Variants in ZBTB17 observed in about 807,000 individuals in gnomAD.
The protein encoded by ZBTB17 is zinc finger and BTB domain containing 17.
A neutral mutation model predicts 85.1 loss-of-function variants in ZBTB17; 24 were observed. The observed-to-expected ratio is 0.28, with a 90% CI of 0.20 to 0.40. The LOEUF (loss-of-function observed/expected upper bound fraction) is 0.40. Among genes scored for constraint, ZBTB17 ranks in the 10% least tolerant of loss-of-function variants. The pLI is 1.00. For missense variants in ZBTB17, 743 were observed against 1,105.1 expected (o/e 0.67, Z 4.65); for synonymous variants, 464 against 460.2 (o/e 1.01, Z -0.11).
At chr1:15,969,787 G>A in intron 2 of ZBTB17, 1 of 523,628 alleles carries the variant, frequency 1.9e-6, no homozygotes, top group Non-Finnish European at 3.7e-6. Flanking sequence ...TGGACGAGAG[G>A]GGATGTGCAT....
Position 15,944,444 on chromosome 1 carries a change from C to T in ZBTB17, c.1227G>A (p.Gln409=), listed in dbSNP as rs1176415777. ...FTTSGNLKRH[Q]LVHSGEKPYQ... ...AGGGCTTCTCGCCGCTGTGCACCAG[C>T]TGGTGGCGCTTGAGGTTGCCCGAGG... The change falls in exon 9 of 16, where the codon CAG becomes CAA. Residue 409 remains glutamine (Q), a synonymous_variant. Transcript: ENST00000375743. The T allele has an allele frequency of 6.3e-7, 1 of 1,575,070 alleles. No individual in the cohort carries two copies. Among genetic ancestry groups the T allele is most frequent in the Non-Finnish European group, 8.6e-7 (1 of 1,161,074 alleles).
In ZBTB17 at chr1:15,942,545, G is replaced by C. The variant is rs201524531; in HGVS notation, c.2022C>G (p.Ala674=). ...TLATEALAAT[A]VTQLTVVPVG... is the part of the protein sequence containing the mutation. ...AGCCCGCACCTGTGAGCTGAGTGAC[G>C]GCTGTCGCTGCCAGTGCCTCGGTAG... Residue 674 remains alanine, a synonymous_variant, in exon 14 of 16, where the codon GCC becomes GCG. Coordinates refer to ENST00000375743, the MANE Select transcript of ZBTB17 (RefSeq NM_003443.3). 247 of 1,611,088 alleles carry C rather than the reference G, an allele frequency of 1.5e-4. No homozygotes were observed. In the East Asian group the frequency reaches 4.7e-3, roughly 31 times the overall value.
In ZBTB17 at chr1:15,942,112, ACTG is replaced by A; in HGVS notation, c.2266_2268del (p.Gln756del). On this transcript the variant is annotated inframe_deletion, in exon 16 of 16. Coordinates refer to ENST00000375743, the MANE Select transcript of ZBTB17 (RefSeq NM_003443.3). Reference sequence around the variant, plus strand: ...GCAGGCCACGTGCCACCTGGCCCATACTGCTGATAGAAGTCCGCGTCTGTCTGG... The same window carrying A: ...GCAGGCCACGTGCCACCTGGCCCATACTGATAGAAGTCCGCGTCTGTCTGG... 1 of 1,613,362 alleles carries A rather than the reference ACTG, an allele frequency of 6.2e-7. No homozygotes were observed. Among genetic ancestry groups the A allele is most frequent in the Non-Finnish European group, 8.5e-7 (1 of 1,180,022 alleles).
intron 2 of ZBTB17, among the ~76,000 whole-genome samples, chr1:15,950,041 A>C (rs11489779): frequency 6.6e-6 from 1 of 152,152 alleles, no homozygotes; most frequent in African/African-American, 2.4e-5. Context: ...GGCTCTCTCA[A>C]TGACATTCCT....
chr1:15,951,345 C>T lies in ZBTB17; in HGVS notation c.-2-2848G>A, dbSNP rs978508119. Among the ~76,000 whole-genome samples the T allele has an allele frequency of 7.1e-6, 1 of 141,158 alleles. No individual in the cohort carries two copies. The highest frequency in any genetic ancestry group is 1.6e-5 in the Non-Finnish European group (1 of 64,358). The allele number at this position is 141,158 out of a possible 152,430, so 92.6% of individuals were successfully genotyped here. A position where few individuals can be genotyped will look rare whatever the true frequency, so the allele number is the denominator to read the frequency against. On this transcript the variant is annotated intron_variant, in intron 2 of 15. Coordinates refer to ENST00000375743, the MANE Select transcript of ZBTB17 (RefSeq NM_003443.3). The surrounding 1 kb of genome is among the most constrained non-coding windows in gnomAD (Gnocchi z 4.1). ...GGAGAGAGGGAGGGAGGGAGGGGCC[C>T]TGTACCCACAGAGAGATCAGCAGCA...
chr1:15,945,453 C>T (rs1286005704), intron 6 of ZBTB17, among the ~76,000 whole-genome samples: 2 of 152,222 alleles, frequency 1.3e-5, no homozygotes, highest in African/African-American at 4.8e-5. Flanking sequence ...CTGCACGGTG[C>T]TGAAAGCCGG....
At position 15,943,838 on chromosome 1, in the gene ZBTB17, G is replaced by A; in HGVS notation, c.1429C>T (p.Arg477Ter). Residue 477 changes from arginine (R) to a stop codon, truncating the protein, a stop_gained, in exon 10 of 16, where the codon CGA (arginine) becomes TGA (stop). Coordinates refer to ENST00000375743, the MANE Select transcript of ZBTB17 (RefSeq NM_003443.3). LOFTEE classifies it high-confidence loss of function. Reference sequence around the variant, plus strand: ...GTGGTGAACTGCTTCCCACACTCTCGGCACTTGAGGGGCCCGTCAGCGATG... The same window carrying A: ...GTGGTGAACTGCTTCCCACACTCTCAGCACTTGAGGGGCCCGTCAGCGATG... ...IHIADGPLKCRECGKQFTTSG... is the reference protein window; with the variant it reads ...IHIADGPLKC 6.2e-7 allele frequency: 1 copy of A among 1,611,546 alleles called. No homozygotes were observed.
At chr1:15,969,245 G>T (rs2072553905) in intron 2 of ZBTB17, among the ~76,000 whole-genome samples, 2 of 152,182 alleles carry the variant, frequency 1.3e-5, no homozygotes, top group South Asian at 4.1e-4. Flanking sequence ...TCGTCTAGTT[G>T]CAGGAAAAGC....
At chr1:15,957,873 AGAG>A (rs1016982849) in intron 2 of ZBTB17, among the ~76,000 whole-genome samples, 5 of 152,132 alleles carry the variant, frequency 3.3e-5, no homozygotes, top group Admixed American at 6.5e-5. Flanking sequence ...CCGCTTCCTG[AGAG>A]GAGGAGGAGT....
Position 15,952,541 on chromosome 1 carries a change from G to C in ZBTB17, c.-2-4044C>G, listed in dbSNP as rs1472160130. ...CGCCTCCCATGGAGAGACGGTGTCT[G>C]TTTCCCTCCTGTCGGAATCTGGATG... is the stretch of plus-strand genomic sequence containing the variant. On this transcript the variant is annotated intron_variant, in intron 2 of 15. Transcript: ENST00000375743. This position sits in a 1 kb window ranked among gnomAD's most constrained non-coding sequence, Gnocchi z 4.3. Among the ~76,000 whole-genome samples, 1 of 152,250 alleles carries C rather than the reference G, an allele frequency of 6.6e-6. No homozygotes were observed. Among genetic ancestry groups the C allele is most frequent in the Non-Finnish European group, 1.5e-5 (1 of 68,042 alleles).
chr1:15,943,359 T>G (rs745625098), intron 12 of ZBTB17, 40 bp downstream of exon 12: 5 of 1,580,324 alleles, frequency 3.2e-6, no homozygotes, highest in East Asian at 2.2e-5. Flanking sequence ...CCCCTCACTG[T>G]GGGGTGTCTG....
Position 15,944,760 on chromosome 1 carries a change from C to G in ZBTB17, c.1007G>C (p.Cys336Ser). The G allele has an allele frequency of 6.2e-7, 1 of 1,612,950 alleles. No homozygotes were observed. Among genetic ancestry groups the G allele is most frequent in the Non-Finnish European group, 8.5e-7 (1 of 1,179,856 alleles). The part of the protein sequence containing the change: ...RIHTGEKPFS[C>S]RECSKAFSDP... Reference sequence around the variant, plus strand: ...GGAAAAGGCCTTGCTGCACTCCCGGCACGAGAAGGGCTTCTCCCCCGTGTG... The same window carrying G: ...GGAAAAGGCCTTGCTGCACTCCCGGGACGAGAAGGGCTTCTCCCCCGTGTG... Residue 336 changes from cysteine (C) to serine (S), a missense_variant, in exon 8 of 16, where the codon TGC becomes TCC. Cys to Ser is a moderately radical substitution (Grantham distance 112). This residue lies in a region of ZBTB17 where 321 missense variants were observed against 615.7 expected (regional missense o/e 0.52). Transcript: ENST00000375743.
chr1:15,944,146 G>A (rs1428882222), intron 9 of ZBTB17, 154 bp downstream of exon 9: 5 of 1,220,584 alleles, frequency 4.1e-6, no homozygotes, highest in Admixed American at 2.0e-5. Flanking sequence ...CTCCCCCGCG[G>A]AAGTGGCTCT....
intron 2 of ZBTB17, among the ~76,000 whole-genome samples, chr1:15,970,610 G>A (rs1336843839): frequency 6.6e-6 from 1 of 151,864 alleles, no homozygotes; most frequent in Non-Finnish European, 1.5e-5. Flanking sequence ...GTGCAGTGGC[G>A]TGATCTCGGC....
intron 2 of ZBTB17, among the ~76,000 whole-genome samples, chr1:15,962,431 G>A (rs1426410579): frequency 6.6e-6 from 1 of 152,128 alleles, no homozygotes; most frequent in Non-Finnish European, 1.5e-5. Context: ...GTCAGGGCCA[G>A]AGCTGCTGTG....
chr1:15,963,468 A>T (rs769243520), intron 2 of ZBTB17, among the ~76,000 whole-genome samples: 4 of 152,186 alleles, frequency 2.6e-5, no homozygotes, highest in Non-Finnish European at 5.9e-5. Context: ...GGTTTCAAGA[A>T]AAGACATTTG....
At chr1:15,947,654 T>C (rs1557778015) in intron 3 of ZBTB17, among the ~76,000 whole-genome samples, 1 of 152,144 alleles carries the variant, frequency 6.6e-6, no homozygotes, top group African/African-American at 2.4e-5. Flanking sequence ...CACACCCTCT[T>C]ATTTGGCCGC....
chr1:15,960,615 C>T (rs977249168), intron 2 of ZBTB17, among the ~76,000 whole-genome samples: 4 of 152,348 alleles, frequency 2.6e-5, no homozygotes, highest in South Asian at 2.1e-4. Context: ...ATGCTTAATA[C>T]TTGATGGTAA....
Position 15,960,026 on chromosome 1 carries a change from C to T in ZBTB17, c.-2-11529G>A, listed in dbSNP as rs535365877. 2.0e-5 allele frequency among the ~76,000 whole-genome samples: 3 copies of T among 152,296 alleles called. No individual in the cohort carries two copies. In the South Asian group the frequency reaches 6.2e-4, roughly 32 times the overall value. The stretch of plus-strand genomic sequence containing the variant: ...TTCCTTGAGGGGACGCCCCGAGCAC[C>T]ACAGCTGGTGTCCTCGTGCTCAAAC... On this transcript the variant is annotated intron_variant, in intron 2 of 15. Coordinates refer to ENST00000375743, the MANE Select transcript of ZBTB17 (RefSeq NM_003443.3).
Sources: allele counts gnomAD v4.1 joint callset (sites outside exome capture counted in the v4.1 genomes callset), GRCh38; gene constraint gnomAD v4.1.1; regional missense constraint gnomAD v4.1.1; non-coding constraint Gnocchi (gnomAD v3.1); transcripts MANE v1.5; gene names NCBI Gene and HGNC (gene_info 2026-07-23, HGNC 2026-07-21).